Variants in NPHS1 observed in about 807,000 individuals in gnomAD.
NPHS1 encodes the protein nephrin.
A neutral mutation model predicts 139.7 loss-of-function variants in NPHS1; 107 were observed. That is an observed-to-expected ratio of 0.77 (90% CI 0.66 to 0.90). NPHS1 has a LOEUF of 0.90. Ranked by LOEUF, NPHS1 falls within the 40% of genes least tolerant of loss-of-function variation. The pLI, the probability that NPHS1 is intolerant of heterozygous loss-of-function variation, is 0.00. For synonymous variants in NPHS1, 707 were observed against 706.6 expected (o/e 1.00, Z -0.01); for missense variants, 1,580 against 1,654.2 (o/e 0.96, Z 0.78).
At chr19:35,844,034 C>T in intron 16 of NPHS1, 69 bp downstream of exon 16, 2 of 1,577,354 alleles carry the variant, frequency 1.3e-6, no homozygotes, top group Non-Finnish European at 1.7e-6. Flanking sequence ...GGAGCTCCCA[C>T]AATGAGGAGA....
intron 23 of NPHS1, among the ~76,000 whole-genome samples, chr19:35,834,988 G>A (rs1263774426): frequency 7.3e-5 from 11 of 151,532 alleles, no homozygotes; most frequent in South Asian, 2.1e-4. Context: ...ACTTGAGGTC[G>A]GGAGTTCGAG....
In NPHS1 at chr19:35,846,008, A is replaced by T; in HGVS notation, c.1627T>A (p.Phe543Ile). ...GGGCCTCAGCAGTGCGAGCCCTCAC[A>T]CTGCACCGCCAGCTGCGTGGACGCG... is the stretch of plus-strand genomic sequence containing the variant. Reference protein sequence around the residue: ...LSASTQLAVQFPPTNVTILAN... With the variant: ...LSASTQLAVQIPPTNVTILAN... The change falls in exon 12 of 29, where the codon TTT (phenylalanine) becomes ATT (isoleucine). Residue 543 changes from phenylalanine (F) to isoleucine (I), a missense_variant and splice_region_variant. Phe to Ile is a conservative substitution (Grantham distance 21, BLOSUM62 0). Transcript: ENST00000378910. 1 of 1,570,880 alleles carries T rather than the reference A, an allele frequency of 6.4e-7. No individual in the cohort carries two copies. Among genetic ancestry groups the T allele is most frequent in the Non-Finnish European group, 8.6e-7 (1 of 1,158,944 alleles).
At chr19:35,834,467 T>C (rs1244551541) in intron 23 of NPHS1, among the ~76,000 whole-genome samples, 1 of 152,044 alleles carries the variant, frequency 6.6e-6, no homozygotes, top group Non-Finnish European at 1.5e-5. Flanking sequence ...ATGTTTGGGG[T>C]GGTTCATTAT....
intron 20 of NPHS1, among the ~76,000 whole-genome samples, chr19:35,841,327 C>T (rs1973052404): frequency 6.6e-6 from 1 of 151,960 alleles, no homozygotes; most frequent in Admixed American, 6.6e-5. Context: ...GAGCCAAGAT[C>T]GCGCCATCGC....
rs371515262 is a variant in NPHS1, at chr19:35,850,960, C to G, written c.526+1G>C. 12 of 1,614,060 alleles carry G rather than the reference C, an allele frequency of 7.4e-6. No individual in the cohort carries two copies. The highest frequency in any genetic ancestry group is 1.0e-5 in the Non-Finnish European group (12 of 1,180,022). On this transcript the variant is annotated splice_donor_variant, in intron 4 of 28. Coordinates refer to ENST00000378910, the MANE Select transcript of NPHS1 (RefSeq NM_004646.4). LOFTEE classifies it high-confidence loss of function. ...CTGCCACCCAGTTCACCCACACTCA[C>G]TCAGGAGAATGGTGATGTCAGGTGC...
rs1359142936 is a variant in NPHS1, at chr19:35,842,251, G to A, written c.2536C>T (p.Leu846=). 3 of 1,613,178 alleles carry A rather than the reference G, an allele frequency of 1.9e-6. No homozygotes were observed. Among genetic ancestry groups the A allele is most frequent in the Non-Finnish European group, 2.5e-6 (3 of 1,179,984 alleles). The change falls in exon 19 of 29, where the codon CTA becomes TTA. Residue 846 remains leucine (L), a synonymous_variant. Transcript: ENST00000378910. ...FAPQVEHPTP[L]TKVAAAGDST... is the part of the protein sequence containing the mutation. ...TCTCCAGCTGCAGCCACCTTAGTTA[G>A]GGGAGTGGGGTGCTCCACCTGGGGG...
At chr19:35,841,927 C>A in intron 19 of NPHS1, 61 bp from the exon 20 acceptor site, 1 of 1,510,214 alleles carries the variant, frequency 6.6e-7, no homozygotes, top group Non-Finnish European at 9.0e-7. Context: ...TGCTTGGAAT[C>A]ATCTATGCAT....
intron 19 of NPHS1, 49 bp downstream of exon 19, chr19:35,842,075 G>A (rs371085438): frequency 7.0e-6 from 11 of 1,577,208 alleles, no homozygotes; most frequent in Non-Finnish European, 9.5e-6. Context: ...AGTGGGGCTG[G>A]AGGTCCAGAC....
rs1025559795 is a variant in NPHS1, at chr19:35,825,706, G to C, written c.*808C>G. The stretch of plus-strand genomic sequence containing the variant: ...TTGTCTGTTTATTTTAATGCTTATG[G>C]AGCATACTTATGTTTACATGTGTCA... On this transcript the variant is annotated 3_prime_UTR_variant, in exon 29 of 29. Transcript: ENST00000378910. Among the ~76,000 whole-genome samples, 12 of 152,040 alleles carry C rather than the reference G, an allele frequency of 7.9e-5. No homozygotes were observed. The highest frequency in any genetic ancestry group is 2.9e-4 in the African/African-American group (12 of 41,372).
At chr19:35,827,257 A>G (rs1972811302) in intron 28 of NPHS1, among the ~76,000 whole-genome samples, 1 of 152,000 alleles carries the variant, frequency 6.6e-6, no homozygotes, top group Admixed American at 6.6e-5. Context: ...CTGGGATTAT[A>G]AGTCACTGGG....
In NPHS1 at chr19:35,851,342, T is replaced by C. The variant is rs776058104; in HGVS notation, c.317A>G (p.Asp106Gly). ...GCCGACCTGGCACTCATACTCCGCG[T>C]CATCGCTGAGGTCACAGGCCTCGAT... ...LHIEACDLSD[D>G]AEYECQVGRS... The change falls in exon 3 of 29, where the codon GAC becomes GGC. Residue 106 changes from aspartate (D) to glycine (G), a missense_variant. By Grantham distance (94) the Asp-to-Gly change is moderately conservative. Coordinates refer to ENST00000378910, the MANE Select transcript of NPHS1 (RefSeq NM_004646.4). 4 of 1,613,754 alleles carry C rather than the reference T, an allele frequency of 2.5e-6. No individual in the cohort carries two copies. The Admixed American group carries it at 6.7e-5, about 27-fold the overall frequency.
chr19:35,834,480 A>G (rs1972927082), intron 23 of NPHS1, among the ~76,000 whole-genome samples: 1 of 152,206 alleles, frequency 6.6e-6, no homozygotes, highest in Non-Finnish European at 1.5e-5. Flanking sequence ...TTCATTATAC[A>G]GCAAAAGCTA....
chr19:35,837,955 A>C (rs1018733842), intron 22 of NPHS1, among the ~76,000 whole-genome samples: 6 of 151,254 alleles, frequency 4.0e-5, no homozygotes, highest in South Asian at 2.1e-4. Flanking sequence ...AAAAAAAAAA[A>C]AAAAACGAAA....
intron 20 of NPHS1, among the ~76,000 whole-genome samples, chr19:35,841,402 A>AC (rs200981727): frequency 1.2e-4 from 18 of 151,672 alleles, no homozygotes; most frequent in African/African-American, 3.9e-4. Flanking sequence ...AACAACAACA[A>AC]AAAGAATGGA....
At position 35,851,787 on chromosome 19, in the gene NPHS1, C is replaced by T; in HGVS notation, c.51G>A (p.Leu17=). ...LRASLLLLGL[L]TEGLAQLAIP... ...GGCTGGGATCCCACTCACCTTCAGT[C>T]AGCAGCCCCAGGAGCAGGAGAGAAG... The change falls in exon 1 of 29, where the codon CTG becomes CTA. Residue 17 remains leucine, a synonymous_variant. Transcript: ENST00000378910. The T allele has an allele frequency of 6.4e-7, 1 of 1,553,470 alleles. No homozygotes were observed. The highest frequency in any genetic ancestry group is 1.2e-5 in the South Asian group (1 of 84,184).
intron 21 of NPHS1, 24 bp from the exon 22 acceptor site, chr19:35,839,442 T>C (rs1973021860): frequency 6.2e-7 from 1 of 1,613,690 alleles, no homozygotes; most frequent in Admixed American, 1.7e-5. Context: ...GGATAGTAAA[T>C]TCAGGGAAGT....
In NPHS1 at chr19:35,848,125, G is replaced by C; in HGVS notation, c.1356C>G (p.Gly452=). Residue 452 remains glycine (G), a synonymous_variant, in exon 11 of 29, where the codon GGC becomes GGG. Coordinates refer to ENST00000378910, the MANE Select transcript of NPHS1 (RefSeq NM_004646.4). ...QKLWIEGPPE[G]QKLRAGTRVR... ...CCCGGGTCCCAGCCCGGAGCTTCTGGCCCTCTGGGGGACCCTCAATCCACA... is the reference window on the plus strand; with the variant it reads ...CCCGGGTCCCAGCCCGGAGCTTCTGCCCCTCTGGGGGACCCTCAATCCACA... 2 of 1,614,036 alleles carry C rather than the reference G, an allele frequency of 1.2e-6. No homozygotes were observed. The highest frequency in any genetic ancestry group is 1.7e-6 in the Non-Finnish European group (2 of 1,180,010).
rs1459902670 is a variant in NPHS1, at chr19:35,835,686, C to A, written c.3166+19G>T. ...CATTCTCAGGGGAGCCGGGAGGGAT[C>A]AGGGGACTGAGGACTTGCCTGAAGG... On this transcript the variant is annotated intron_variant, in intron 23 of 28. Transcript: ENST00000378910. 4.3e-6 allele frequency: 7 copies of A among 1,611,250 alleles called. No individual in the cohort carries two copies. The highest frequency in any genetic ancestry group is 5.9e-6 in the Non-Finnish European group (7 of 1,177,956).
intron 6 of NPHS1, 45 bp from the exon 7 acceptor site, chr19:35,849,408 C>T (rs754320493): frequency 1.1e-5 from 18 of 1,603,444 alleles, no homozygotes; most frequent in South Asian, 7.8e-5. Context: ...AGCCCATCCA[C>T]TCTTTCCAGG....
Sources: allele counts gnomAD v4.1 joint callset (sites outside exome capture counted in the v4.1 genomes callset), GRCh38; gene constraint gnomAD v4.1.1; transcripts MANE v1.5; gene names NCBI Gene and HGNC (gene_info 2026-07-23, HGNC 2026-07-21).